TPCN2: variants seen among roughly 807,000 people sequenced by gnomAD.
TPCN2 encodes the protein two pore channel protein 2.
In TPCN2, 92 loss-of-function variants were observed where a neutral mutation model predicts 111.4. The observed-to-expected ratio is 0.83, with a 90% CI of 0.70 to 0.98. TPCN2 has a LOEUF of 0.98. TPCN2 is among the 50% of genes least tolerant of loss of function. TPCN2 has a pLI of 0.00. For missense variants in TPCN2, 995 were observed against 980.1 expected (o/e 1.02, Z -0.20); for synonymous variants, 405 against 414.5 (o/e 0.98, Z 0.28).
chr11:69,083,846 C>G (rs968922758), intron 18 of TPCN2, 99 bp from the exon 19 acceptor site: 5 of 1,110,382 alleles, frequency 4.5e-6, no homozygotes, highest in Non-Finnish European at 6.8e-6. Context: ...TTGGCCTGCC[C>G]CATCTTGCCT....
chr11:69,076,952 G>A (rs1208922390), intron 13 of TPCN2, among the ~76,000 whole-genome samples: 32 of 30,060 alleles, frequency 1.1e-3, no homozygotes, highest in Admixed American at 1.6e-3. Flanking sequence ...CCCTCCTGCT[G>A]TGTCCCTCCA....
intron 1 of TPCN2, among the ~76,000 whole-genome samples, chr11:69,051,515 A>G (rs1455135393): frequency 6.6e-6 from 1 of 152,344 alleles, no homozygotes; most frequent in Non-Finnish European, 1.5e-5. Context: ...GACCCTACAC[A>G]GGTTGTGCAG....
intron 17 of TPCN2, among the ~76,000 whole-genome samples, chr11:69,081,127 G>A (rs1324649808): frequency 6.6e-6 from 1 of 152,028 alleles, no homozygotes; most frequent in Non-Finnish European, 1.5e-5. Context: ...GTAGAAGGAG[G>A]GCTGCAGCCT....
chr11:69,087,182 A>G lies in TPCN2; in HGVS notation c.2156A>G (p.Gln719Arg). ...PLAGTPEATY[Q>R]MTVELLFRDI... Reference sequence around the variant, plus strand: ...GCTGGGACCCCAGAGGCCACCTACCAGATGACTGTGGAGCTCCTGTTCAGG... The same window carrying G: ...GCTGGGACCCCAGAGGCCACCTACCGGATGACTGTGGAGCTCCTGTTCAGG... The change falls in exon 24 of 25, where the codon CAG becomes CGG. Residue 719 changes from glutamine (Q) to arginine (R), a missense_variant. Transcript: ENST00000294309. 1 of 1,613,896 alleles carries G rather than the reference A, an allele frequency of 6.2e-7. No individual in the cohort carries two copies. Among genetic ancestry groups the G allele is most frequent in the Non-Finnish European group, 8.5e-7 (1 of 1,179,858 alleles).
Position 69,072,984 on chromosome 11 carries a change from A to T in TPCN2, c.1213A>T (p.Arg405Ter). Reference sequence around the variant, plus strand: ...TCAGAAGCTCTTCAACGAGCTTGACAGAAGTGTGGTTAAAGAGGTAACTGG... The same window carrying T: ...TCAGAAGCTCTTCAACGAGCTTGACTGAAGTGTGGTTAAAGAGGTAACTGG... ...EFQKLFNELD[R>*]SVVKEHPPRP... Residue 405 changes from arginine (R) to a stop codon, truncating the protein, a stop_gained, in exon 13 of 25, where the codon AGA (arginine) becomes TGA (stop). Transcript: ENST00000294309. LOFTEE classifies it high-confidence loss of function. 1 of 1,613,776 alleles carries T rather than the reference A, an allele frequency of 6.2e-7. No individual in the cohort carries two copies.
chr11:69,081,424 G>C lies in TPCN2; in HGVS notation c.1614G>C (p.Leu538=). 1 of 1,561,056 alleles carries C rather than the reference G, an allele frequency of 6.4e-7. No homozygotes were observed. Residue 538 remains leucine (L), a synonymous_variant, in exon 18 of 25, where the codon CTG becomes CTC. Coordinates refer to ENST00000294309, the MANE Select transcript of TPCN2 (RefSeq NM_139075.4). The part of the protein sequence containing the change: ...PGWRPEMVGL[L]SLWDMTRMLN... ...GGAGGCCGGAGATGGTGGGCCTGCT[G>C]TCGCTGTGGGACATGACCCGCATGC... is the stretch of plus-strand genomic sequence containing the variant.
intron 5 of TPCN2, 78 bp downstream of exon 5, chr11:69,057,772 A>T (rs1374169110): frequency 1.5e-6 from 2 of 1,375,006 alleles, no homozygotes. Context: ...GGGTGCTGGG[A>T]TGGAGCCCTG....
chr11:69,087,167 C>T lies in TPCN2; in HGVS notation c.2141C>T (p.Pro714Leu), dbSNP rs1565097318. The change falls in exon 24 of 25, where the codon CCA becomes CTA. Residue 714 changes from proline (P) to leucine (L), a missense_variant. Transcript: ENST00000294309. ...RSHLQPLAGT[P>L]EATYQMTVEL... ...CACCTGCAGCCCCTTGCTGGGACCC[C>T]AGAGGCCACCTACCAGATGACTGTG... 1.2e-6 allele frequency: 2 copies of T among 1,613,936 alleles called. No individual in the cohort carries two copies. The highest frequency in any genetic ancestry group is 1.7e-6 in the Non-Finnish European group (2 of 1,179,894).
Position 69,054,770 on chromosome 11 carries a change from G to A in TPCN2, c.224G>A (p.Arg75Gln), listed in dbSNP as rs575128798. 12 of 1,614,172 alleles carry A rather than the reference G, an allele frequency of 7.4e-6. No individual in the cohort carries two copies. The highest frequency in any genetic ancestry group is 5.5e-5 in the South Asian group (5 of 91,086). Residue 75 changes from arginine to glutamine, a missense_variant, in exon 3 of 25, where the codon CGA becomes CAA. Physicochemically the swap from Arg to Gln is conservative, Grantham distance 43. Coordinates refer to ENST00000294309, the MANE Select transcript of TPCN2 (RefSeq NM_139075.4). ...GATGCCAGCTCGATGTGGCTTTACCGACGGTATTACTCGAACGTATGCCAA... is the reference window on the plus strand; with the variant it reads ...GATGCCAGCTCGATGTGGCTTTACCAACGGTATTACTCGAACGTATGCCAA... ...RVDASSMWLY[R>Q]RYYSNVCQRT... is the part of the protein sequence containing the mutation.
intron 19 of TPCN2, 26 bp downstream of exon 19, chr11:69,084,042 C>CG (rs1856159801): frequency 6.2e-7 from 1 of 1,611,598 alleles, no homozygotes; most frequent in East Asian, 2.2e-5. Context: ...CTGCTGGTGG[C>CG]GGGTTATGCA....
At chr11:69,064,705 C>T (rs1007513659) in intron 7 of TPCN2, among the ~76,000 whole-genome samples, 11 of 152,200 alleles carry the variant, frequency 7.2e-5, no homozygotes, top group African/African-American at 2.7e-4. Context: ...TGTTTGTGGC[C>T]GTGTTGGGGT....
chr11:69,071,005 G>A (rs1471597161), intron 9 of TPCN2, among the ~76,000 whole-genome samples: 1 of 133,618 alleles, frequency 7.5e-6, no homozygotes, highest in Non-Finnish European at 1.6e-5. Flanking sequence ...CCCACCAACA[G>A]CTTCACCCCG....
rs140786573 is a variant in TPCN2, at chr11:69,078,928, G to A, written c.1447G>A (p.Glu483Lys). 5 of 1,613,996 alleles carry A rather than the reference G, an allele frequency of 3.1e-6. No individual in the cohort carries two copies. The African/African-American group carries it at 6.7e-5, about 22-fold the overall frequency. The change falls in exon 16 of 25, where the codon GAG (glutamate) becomes AAG (lysine). Residue 483 changes from glutamate to lysine, a missense_variant. Glu to Lys is a moderately conservative substitution (Grantham distance 56, BLOSUM62 1). Transcript: ENST00000294309. ...CGTCTTCATTGTGTACTACCTGTTG[G>A]AGATGCTGCTCAAGGTCTTTGCCCT... ...NCVFIVYYLL[E>K]MLLKVFALGL...
chr11:69,089,812 C>T lies in TPCN2; in HGVS notation c.*1859C>T, dbSNP rs568959653. 1 of 152,358 alleles carries T rather than the reference C, an allele frequency of 6.6e-6. No homozygotes were observed. The highest frequency in any genetic ancestry group is 1.9e-4 in the East Asian group (1 of 5,182). The allele number at this position is 152,358 out of a possible 1,614,324, so 9.4% of individuals were successfully genotyped here. ...CTTCCTTGCTCCCACCTGTGTGGAT[C>T]CTGGTCCCTTCTTGTATTCAGGGCT... On this transcript the variant is annotated 3_prime_UTR_variant, in exon 25 of 25. Transcript: ENST00000294309.
intron 18 of TPCN2, chr11:69,083,215 A>T (rs1419761837): frequency 6.5e-6 from 1 of 153,048 alleles, no homozygotes; most frequent in African/African-American, 2.4e-5. Flanking sequence ...CGCACAGCAG[A>T]CCCTGCAATC....
intron 5 of TPCN2, among the ~76,000 whole-genome samples, chr11:69,060,178 C>G (rs1027683676): frequency 1.3e-5 from 2 of 152,270 alleles, no homozygotes; most frequent in Non-Finnish European, 2.9e-5. Context: ...CTGTCCTCCA[C>G]TTGGGAACAT....
intron 5 of TPCN2, among the ~76,000 whole-genome samples, chr11:69,062,031 C>T (rs909441690): frequency 1.3e-4 from 20 of 151,998 alleles, no homozygotes; most frequent in Admixed American, 2.6e-4. Context: ...ATTTGGCTCA[C>T]GGCTCTGTAG....
chr11:69,057,576 AG>A lies in TPCN2; in HGVS notation c.431del. ...CTGCTCACCCGCCCGTCTATCTTGC[AG>A]GGTTACCTGTTCGGGTGGGCCCATT... is the stretch of plus-strand genomic sequence containing the variant. On this transcript the variant is annotated splice_acceptor_variant, in intron 4 of 24. Transcript: ENST00000294309. LOFTEE classifies it high-confidence loss of function. The A allele has an allele frequency of 6.2e-7, 1 of 1,613,862 alleles. No homozygotes were observed. Among genetic ancestry groups the A allele is most frequent in the Non-Finnish European group, 8.5e-7 (1 of 1,179,774 alleles).
intron 5 of TPCN2, among the ~76,000 whole-genome samples, chr11:69,061,333 G>A (rs533066637): frequency 1.3e-5 from 2 of 152,170 alleles, no homozygotes; most frequent in African/African-American, 2.4e-5. Context: ...GGCCTGTTCC[G>A]TGGACCCCGG....
Sources: allele counts gnomAD v4.1 joint callset (sites outside exome capture counted in the v4.1 genomes callset), GRCh38; gene constraint gnomAD v4.1.1; transcripts MANE v1.5; gene names NCBI Gene and HGNC (gene_info 2026-07-23, HGNC 2026-07-21).